ZMYM2: variants seen among roughly 807,000 people sequenced by gnomAD.
ZMYM2 encodes zinc finger MYM-type containing 2.
Under a neutral mutation model 162.8 loss-of-function variants are expected in ZMYM2, and 56 were observed. That is an observed-to-expected ratio of 0.34 (90% confidence interval 0.28 to 0.43). The LOEUF is 0.43. Among genes scored for constraint, ZMYM2 ranks in the 20% least tolerant of loss-of-function variants. The probability of loss-of-function intolerance (pLI) is 1.00; values close to 1 mark genes in which losing one functional copy is unlikely to be tolerated. For synonymous variants in ZMYM2, 510 were observed against 541.6 expected, an observed-to-expected ratio of 0.94 and a Z score of 0.81; for missense variants, 1,275 against 1,621.8, an observed-to-expected ratio of 0.79 and a Z score of 3.67.
chr13:19,927,651 A>T, the ZMYM2 span, among the ~76,000 whole-genome samples: 1 of 152,122 alleles, frequency 6.6e-6, no homozygotes, highest in Non-Finnish European at 1.5e-5. Flanking sequence ...TGTGTTTCTC[A>T]AGTTTGTATT....
chr13:20,031,210 C>T, intron 9 of ZMYM2, 109 bp from the exon 10 acceptor site: 1 of 705,942 alleles, frequency 1.4e-6, no homozygotes, highest in South Asian at 2.3e-5. Context: ...GAAAAGATAT[C>T]TAAGCAAGAT....
the ZMYM2 span, among the ~76,000 whole-genome samples, chr13:19,950,483 T>A: frequency 3.9e-5 from 6 of 152,236 alleles, no homozygotes; most frequent in East Asian, 1.2e-3. Context: ...AGTCACGGAG[T>A]TTTGGCCAGT....
At chr13:19,915,371 A>AG in the ZMYM2 span, among the ~76,000 whole-genome samples, 1 of 151,888 alleles carries the variant, frequency 6.6e-6, no homozygotes, top group Non-Finnish European at 1.5e-5. Context: ...CTAGAATGAC[A>AG]GGCATGAGCC....
chr13:19,880,620 G>C, the ZMYM2 span, among the ~76,000 whole-genome samples: 3 of 151,694 alleles, frequency 2.0e-5, no homozygotes, highest in Non-Finnish European at 4.4e-5. Flanking sequence ...ATAGAGATGG[G>C]GTTTCACCAT....
At chr13:19,995,778 TAAG>T (rs925331814) in intron 3 of ZMYM2, among the ~76,000 whole-genome samples, 7 of 152,134 alleles carry the variant, frequency 4.6e-5, no homozygotes, top group African/African-American at 1.4e-4. Context: ...ATGGAAGTGA[TAAG>T]AACTCTGTGC....
chr13:20,046,344 C>T (rs1954777064), intron 12 of ZMYM2, among the ~76,000 whole-genome samples: 1 of 151,378 alleles, frequency 6.6e-6, no homozygotes, highest in Admixed American at 6.6e-5. Context: ...GTTGGGAGTT[C>T]TAGTCCAGCC....
At chr13:20,038,079 G>C (rs757866117) in intron 12 of ZMYM2, among the ~76,000 whole-genome samples, 25 of 152,126 alleles carry the variant, frequency 1.6e-4, no homozygotes, top group Non-Finnish European at 3.1e-4. Context: ...GTTTGCTAAG[G>C]ATAATGGCCT....
chr13:19,898,032 G>A, the ZMYM2 span, among the ~76,000 whole-genome samples: 2 of 152,072 alleles, frequency 1.3e-5, no homozygotes, highest in African/African-American at 4.8e-5. Flanking sequence ...CTCAACAACA[G>A]CAGAATACCC....
the ZMYM2 span, among the ~76,000 whole-genome samples, chr13:19,930,049 A>G: frequency 3.3e-5 from 5 of 152,060 alleles, no homozygotes; most frequent in Non-Finnish European, 7.4e-5. Flanking sequence ...CCTGAGCCCA[A>G]GAGTTTGAGA....
At chr13:19,925,795 C>T in the ZMYM2 span, among the ~76,000 whole-genome samples, 3 of 150,216 alleles carry the variant, frequency 2.0e-5, no homozygotes, top group Non-Finnish European at 3.0e-5. Context: ...TGCTTGAACC[C>T]GGGAGGCAGA....
At chr13:19,923,537 T>TA in the ZMYM2 span, among the ~76,000 whole-genome samples, 2 of 151,078 alleles carry the variant, frequency 1.3e-5, no homozygotes, top group East Asian at 1.9e-4. Flanking sequence ...CTTTTTTTTT[T>TA]TATAAGAGAC....
intron 2 of ZMYM2, among the ~76,000 whole-genome samples, chr13:19,967,205 A>G (rs1055503610): frequency 3.9e-5 from 6 of 152,124 alleles, no homozygotes; most frequent in Non-Finnish European, 4.4e-5. Context: ...ATAGCATCCT[A>G]TATAAAAGTC....
At chr13:19,895,426 C>G in the ZMYM2 span, among the ~76,000 whole-genome samples, 1 of 151,900 alleles carries the variant, frequency 6.6e-6, no homozygotes, top group South Asian at 2.1e-4. Context: ...ATTTATTTAT[C>G]ATAATTATGG....
intron 12 of ZMYM2, among the ~76,000 whole-genome samples, chr13:20,049,362 G>A (rs932636419): frequency 6.6e-6 from 1 of 151,878 alleles, no homozygotes; most frequent in African/African-American, 2.4e-5. Context: ...GAACGATGAA[G>A]TGATTCCATT....
chr13:19,998,501 A>G (rs1276769958), intron 3 of ZMYM2, among the ~76,000 whole-genome samples: 2 of 152,214 alleles, frequency 1.3e-5, no homozygotes, highest in Non-Finnish European at 2.9e-5. Flanking sequence ...ATGTTCAAGC[A>G]TAATTTTTGA....
intron 2 of ZMYM2, among the ~76,000 whole-genome samples, chr13:19,986,854 G>T (rs1594190627): frequency 6.6e-6 from 1 of 151,910 alleles, no homozygotes. Context: ...TGTAATCACA[G>T]CACTTTGGAA....
chr13:20,032,932 CT>C (rs986332666), intron 10 of ZMYM2, among the ~76,000 whole-genome samples: 5 of 152,068 alleles, frequency 3.3e-5, no homozygotes, highest in Non-Finnish European at 5.9e-5. Flanking sequence ...TTCTAAAGTA[CT>C]TTGGAAACCT....
intron 2 of ZMYM2, among the ~76,000 whole-genome samples, chr13:19,961,806 ATGC>A (rs1347197557): frequency 6.6e-6 from 1 of 152,236 alleles, no homozygotes; most frequent in East Asian, 1.9e-4. Context: ...GCAACTAGTG[ATGC>A]TGCTATGTGC....
chr13:19,962,515 A>ATATATATATATGTATTTT (rs1371972440), intron 2 of ZMYM2, among the ~76,000 whole-genome samples: 5 of 38,916 alleles, frequency 1.3e-4, no homozygotes, highest in African/African-American at 3.2e-4. Flanking sequence ...ATATATATAT[A>ATATATATATATGTATTTT]TTTTTTTTTT....
Sources: allele counts gnomAD v4.1 joint callset (sites outside exome capture counted in the v4.1 genomes callset), GRCh38; gene constraint gnomAD v4.1.1; transcripts MANE v1.5; gene names NCBI Gene and HGNC (gene_info 2026-07-23, HGNC 2026-07-21).